Variants in RBBP6 observed in about 807,000 individuals in gnomAD.
RBBP6 encodes E3 ubiquitin-protein ligase RBBP6.
RBBP6 carries 25 observed loss-of-function variants against 167.7 expected under a neutral mutation model. The ratio of observed to expected loss-of-function variants is 0.15; its 90% CI spans 0.11 to 0.21. The LOEUF (loss-of-function observed/expected upper bound fraction) is 0.21, where lower values mean the gene tolerates loss of function less well. RBBP6 is among the 10% of genes least tolerant of loss of function. The pLI is 1.00. For synonymous variants in RBBP6, 789 were observed against 735.8 expected (o/e 1.07, Z -1.17); for missense variants, 1,868 against 2,134.2 (o/e 0.88, Z 2.46).
At position 24,571,898 on chromosome 16, in the gene RBBP6, C is replaced by G. The variant is rs965297772; in HGVS notation, c.4832C>G (p.Thr1611Ser). The G allele has an allele frequency of 1.1e-5, 18 of 1,613,890 alleles. 1 individual carries two copies. In the South Asian group the frequency reaches 1.9e-4, roughly 17 times the overall value. The change falls in exon 18 of 18, where the codon ACT (threonine) becomes AGT (serine). Residue 1611 changes from threonine to serine, a missense_variant. Transcript: ENST00000319715. ...EQITGQIDKS[T>S]VKPKPQLSHS... Reference sequence around the variant, plus strand: ...ATTACTGGGCAAATTGACAAGAGTACTGTCAAGCCTAAACCCCAGTTAAGT... The same window carrying G: ...ATTACTGGGCAAATTGACAAGAGTAGTGTCAAGCCTAAACCCCAGTTAAGT...
At chr16:24,555,029 T>A (rs989717355) in intron 4 of RBBP6, 1 of 152,132 alleles carries the variant, frequency 6.6e-6, no homozygotes, top group Non-Finnish European at 1.5e-5. Context: ...TAACTAGAAA[T>A]CACTCCCTTA....
At position 24,561,728 on chromosome 16, in the gene RBBP6, A is replaced by G. The variant is rs1899059876; in HGVS notation, c.951+13A>G. The stretch of plus-strand genomic sequence containing the variant: ...ATTTTTACGACAGGTAACTGTCTGT[A>G]TCCATTTTATGAAAAAATTCTTTTT... On this transcript the variant is annotated intron_variant, in intron 9 of 17. Coordinates refer to ENST00000319715, the MANE Select transcript of RBBP6 (RefSeq NM_006910.5). The G allele has an allele frequency of 1.9e-6, 3 of 1,611,382 alleles. No individual in the cohort carries two copies. Among genetic ancestry groups the G allele is most frequent in the Non-Finnish European group, 2.5e-6 (3 of 1,177,690 alleles).
rs775604949 is a variant in RBBP6 at position 24,567,303 on chromosome 16, TCTCCTCAGTTTC to T, written c.1756_1767del (p.Gln586_Pro589del). On this transcript the variant is annotated inframe_deletion, in exon 15 of 18. Coordinates refer to ENST00000319715, the MANE Select transcript of RBBP6 (RefSeq NM_006910.5). ...TCCGGGTGTTCCTCCTCCACAGTTTTCTCCTCAGTTTCCTCCTGGCCAGCCACCACCCGCTGG... is the reference window on the plus strand; with the variant it reads ...TCCGGGTGTTCCTCCTCCACAGTTTTCTCCTGGCCAGCCACCACCCGCTGG... 7 of 1,614,016 alleles carry T rather than the reference TCTCCTCAGTTTC, an allele frequency of 4.3e-6. No homozygotes were observed. Among genetic ancestry groups the T allele is most frequent in the South Asian group, 1.1e-5 (1 of 91,066 alleles).
chr16:24,561,746 T>C (rs1899060573), intron 9 of RBBP6, 31 bp downstream of exon 9: 3 of 1,609,854 alleles, frequency 1.9e-6, no homozygotes, highest in Non-Finnish European at 8.5e-7. Flanking sequence ...TATGAAAAAA[T>C]TCTTTTTAAC....
intron 10 of RBBP6, 112 bp from the exon 11 acceptor site, chr16:24,563,087 T>G (rs1441167780): frequency 4.0e-6 from 3 of 742,972 alleles, no homozygotes; most frequent in African/African-American, 3.6e-5. Context: ...TTCATCATCT[T>G]TGACTTAACT....
At chr16:24,545,798 T>G (rs1898630676) in intron 1 of RBBP6, among the ~76,000 whole-genome samples, 1 of 152,252 alleles carries the variant, frequency 6.6e-6, no homozygotes, top group Non-Finnish European at 1.5e-5. Context: ...ATTGTAATAC[T>G]CAACTAACGT....
intron 8 of RBBP6, among the ~76,000 whole-genome samples, chr16:24,561,066 C>G (rs1414577416): frequency 6.6e-6 from 1 of 152,122 alleles, no homozygotes; most frequent in African/African-American, 2.4e-5. Flanking sequence ...TAGTGTTGCT[C>G]CCACGTACTG....
Position 24,570,470 on chromosome 16 carries a change from A to G in RBBP6, c.3780A>G (p.Gly1260=), listed in dbSNP as rs774808469. ...GACGAAAAGTGACTGGAACTGAAGG[A>G]TCCAGCTCAACTCTGGTGGATTACA... The part of the protein sequence containing the change: ...KVRRKVTGTE[G]SSSTLVDYTS... Residue 1260 remains glycine, a synonymous_variant, in exon 17 of 18, where the codon GGA becomes GGG. Transcript: ENST00000319715. 1.3e-5 allele frequency: 21 copies of G among 1,594,604 alleles called. No homozygotes were observed. In the East Asian group the frequency reaches 4.7e-4, roughly 36 times the overall value.
Position 24,569,007 on chromosome 16 carries a change from C to T in RBBP6, c.2317C>T (p.Pro773Ser). The change falls in exon 17 of 18, where the codon CCT (proline) becomes TCT (serine). Residue 773 changes from proline (P) to serine (S), a missense_variant. Coordinates refer to ENST00000319715, the MANE Select transcript of RBBP6 (RefSeq NM_006910.5). Reference protein sequence around the residue: ...YRRYHSRSRSPQAFRGQSPNK... With the variant: ...YRRYHSRSRSSQAFRGQSPNK... ...ACGCTATCATTCACGATCAAGATCTCCTCAAGCGTTTAGGGGACAGTCTCC... is the reference window on the plus strand; with the variant it reads ...ACGCTATCATTCACGATCAAGATCTTCTCAAGCGTTTAGGGGACAGTCTCC... 6.2e-7 allele frequency: 1 copy of T among 1,614,116 alleles called. No individual in the cohort carries two copies. The highest frequency in any genetic ancestry group is 8.5e-7 in the Non-Finnish European group (1 of 1,180,000).
In RBBP6 at chr16:24,571,143, A is replaced by G. The variant is rs1899319811; in HGVS notation, c.4077A>G (p.Ile1359Met). ...ATGTTAGTACAAAGCCATCAAATATAGTCAAGTATCCTGAGAAAGAAAGTG... is the reference window on the plus strand; with the variant it reads ...ATGTTAGTACAAAGCCATCAAATATGGTCAAGTATCCTGAGAAAGAAAGTG... ...IKNVSTKPSN[I>M]VKYPEKESEP... The change falls in exon 18 of 18, where the codon ATA becomes ATG. Residue 1359 changes from isoleucine (I) to methionine (M), a missense_variant. By Grantham distance (10) the Ile-to-Met change is conservative (BLOSUM62 1). Around this residue, in one of 7 missense-constraint regions of RBBP6, gnomAD observed 591 missense variants for 540.5 expected, o/e 1.09. Coordinates refer to ENST00000319715, the MANE Select transcript of RBBP6 (RefSeq NM_006910.5). 2 of 1,613,638 alleles carry G rather than the reference A, an allele frequency of 1.2e-6. No individual in the cohort carries two copies. The highest frequency in any genetic ancestry group is 2.2e-5 in the East Asian group (1 of 44,868).
Position 24,564,873 on chromosome 16 carries a change from T to A in RBBP6, c.1589+8T>A, listed in dbSNP as rs758343300. 31 of 1,608,762 alleles carry A rather than the reference T, an allele frequency of 1.9e-5. No individual in the cohort carries two copies. Among genetic ancestry groups the A allele is most frequent in the Non-Finnish European group, 2.5e-5 (29 of 1,177,972 alleles). On this transcript the variant is annotated splice_region_variant and intron_variant, in intron 14 of 17. Coordinates refer to ENST00000319715, the MANE Select transcript of RBBP6 (RefSeq NM_006910.5). ...GGAGAGGAGCTGCTACAGGTAGGCA[T>A]GCTAAAAATCTTGGAAAATAATCAT...
Position 24,571,437 on chromosome 16 carries a change from T to G in RBBP6, c.4371T>G (p.Asp1457Glu). Residue 1457 changes from aspartate (D) to glutamate (E), a missense_variant, in exon 18 of 18, where the codon GAT (aspartate) becomes GAG (glutamate). Around this residue, in one of 7 missense-constraint regions of RBBP6, gnomAD observed 591 missense variants for 540.5 expected, o/e 1.09. Transcript: ENST00000319715. Reference protein sequence around the residue: ...SKEARTSDKHDSTRASSNKDF... With the variant: ...SKEARTSDKHESTRASSNKDF... ...AGGCTAGAACGTCAGATAAACATGA[T>G]TCCACTCGTGCTTCCTCAAATAAAG... 6.2e-7 allele frequency: 1 copy of G among 1,613,282 alleles called. No homozygotes were observed. Among genetic ancestry groups the G allele is most frequent in the Non-Finnish European group, 8.5e-7 (1 of 1,179,876 alleles).
chr16:24,549,412 T>G, intron 3 of RBBP6: 1 of 987,092 alleles, frequency 1.0e-6, no homozygotes, highest in Non-Finnish European at 1.2e-6. Flanking sequence ...TATTTTGCCA[T>G]TTTCACGTTG....
chr16:24,551,736 T>C (rs1898801130), intron 3 of RBBP6, among the ~76,000 whole-genome samples: 1 of 151,782 alleles, frequency 6.6e-6, no homozygotes, highest in East Asian at 1.9e-4. Flanking sequence ...TATAATTGTT[T>C]TCTTTCCAAG....
At chr16:24,548,706 A>G (rs985302582) in intron 2 of RBBP6, among the ~76,000 whole-genome samples, 8 of 152,158 alleles carry the variant, frequency 5.3e-5, no homozygotes, top group African/African-American at 1.9e-4. Context: ...GGGTACACCT[A>G]TTTTTGAATT....
At chr16:24,570,563 C>A in intron 17 of RBBP6, 64 bp downstream of exon 17, 2 of 1,362,112 alleles carry the variant, frequency 1.5e-6, no homozygotes, top group Non-Finnish European at 2.0e-6. Context: ...CAGTTTTATC[C>A]ATGCTTGTGC....
At chr16:24,558,360 T>C in intron 7 of RBBP6, 1 of 561,070 alleles carries the variant, frequency 1.8e-6, no homozygotes, top group Non-Finnish European at 2.3e-6. Flanking sequence ...TTTCTTTTTC[T>C]ATCCTCTGTT....
In RBBP6 at chr16:24,569,451, A is replaced by T; in HGVS notation, c.2761A>T (p.Ser921Cys). Residue 921 changes from serine to cysteine, a missense_variant, in exon 17 of 18, where the codon AGT (serine) becomes TGT (cysteine). By Grantham distance (112) the Ser-to-Cys change is moderately radical. This residue lies in a region of RBBP6 where 673 missense variants were observed against 691.5 expected (regional missense o/e 0.97). Transcript: ENST00000319715. The part of the protein sequence containing the change: ...KDNTKSKEKE[S>C]ENAPGDGKGN... ...TAATACAAAGTCAAAAGAGAAGGAG[A>T]GTGAAAACGCTCCAGGAGATGGTAA... The T allele has an allele frequency of 1.2e-6, 2 of 1,613,110 alleles. No homozygotes were observed. The highest frequency in any genetic ancestry group is 2.2e-5 in the South Asian group (2 of 90,820).
In RBBP6 at chr16:24,539,760, G is replaced by T. The variant is rs920097515; in HGVS notation, c.-867G>T. ...GGCCTCAAGGCGACGGAAACGAAAG[G>T]CGAGCGAAGCGCGGAGGATCCGGCG... On this transcript the variant is annotated 5_prime_UTR_variant, in exon 1 of 18. Coordinates refer to ENST00000319715, the MANE Select transcript of RBBP6 (RefSeq NM_006910.5). 5 of 152,242 alleles carry T rather than the reference G, an allele frequency of 3.3e-5. No individual in the cohort carries two copies. Among genetic ancestry groups the T allele is most frequent in the African/African-American group, 1.2e-4 (5 of 41,460 alleles). The allele number at this position is 152,242 out of a possible 1,614,324, so 9.4% of individuals were successfully genotyped here. A position where few individuals can be genotyped will look rare whatever the true frequency, so the allele number is the denominator to read the frequency against.
Sources: gnomAD v4.1 joint callset for allele counts (sites outside exome capture counted in the v4.1 genomes callset) on GRCh38, gnomAD v4.1.1 for gene constraint, gnomAD v4.1.1 regional missense constraint, MANE v1.5 for transcripts, NCBI Gene and HGNC (gene_info 2026-07-23, HGNC 2026-07-21) for gene names.